CIAO2A: variants seen among roughly 807,000 people sequenced by gnomAD.
CIAO2A encodes MIP18 family protein FAM96A.
A neutral mutation model predicts 22.4 loss-of-function variants in CIAO2A; 17 were observed. That is an observed-to-expected ratio of 0.76 (90% CI 0.52 to 1.14). The LOEUF (loss-of-function observed/expected upper bound fraction) is 1.14, where lower values mean the gene tolerates loss of function less well. CIAO2A is among the 50% of genes most tolerant of loss of function. The probability of loss-of-function intolerance (pLI) is 0.00; values close to 1 mark genes in which losing one functional copy is unlikely to be tolerated. For missense variants in CIAO2A, 192 were observed against 191.4 expected (o/e 1.00, Z -0.02); for synonymous variants, 74 against 72.3 (o/e 1.02, Z -0.12).
At chr15:64,082,921 G>T (rs1487105042) in intron 2 of CIAO2A, among the ~76,000 whole-genome samples, 2 of 152,108 alleles carry the variant, frequency 1.3e-5, no homozygotes, top group African/African-American at 4.8e-5. Flanking sequence ...TATAGTATCA[G>T]CTGGGCAAGG....
At chr15:64,073,123 C>A in intron 4 of CIAO2A, 95 bp from the exon 5 acceptor site, 1 of 780,640 alleles carries the variant, frequency 1.3e-6, no homozygotes, top group Non-Finnish European at 2.1e-6. Flanking sequence ...AAAACTTTAA[C>A]TCCTTGAGAA....
rs1294610793 is a variant in CIAO2A at position 64,093,658 on chromosome 15, C to A, written c.111G>T (p.Ala37=). Residue 37 remains alanine (A), a synonymous_variant, in exon 1 of 5, where the codon GCG becomes GCT. Coordinates refer to ENST00000300030, the MANE Select transcript of CIAO2A (RefSeq NM_032231.7). The part of the protein sequence containing the change: ...ARQPRIMEEK[A]LEVYDLIRTI... Reference sequence around the variant, plus strand: ...AAAATTAATTACCATAAACTTCTAGCGCTTTCTCTTCCATGATCCGGGGCT... The same window carrying A: ...AAAATTAATTACCATAAACTTCTAGAGCTTTCTCTTCCATGATCCGGGGCT... The A allele has an allele frequency of 3.1e-6, 5 of 1,613,762 alleles. No individual in the cohort carries two copies. The African/African-American group carries it at 5.3e-5, about 17-fold the overall frequency.
At chr15:64,079,501 G>C (rs952965196) in intron 3 of CIAO2A, among the ~76,000 whole-genome samples, 2 of 152,206 alleles carry the variant, frequency 1.3e-5, no homozygotes, top group African/African-American at 4.8e-5. Flanking sequence ...ACTCCAGCCT[G>C]GGAGACAGAG....
At chr15:64,081,946 AT>A (rs1420548734) in intron 2 of CIAO2A, among the ~76,000 whole-genome samples, 1 of 152,202 alleles carries the variant, frequency 6.6e-6, no homozygotes, top group Admixed American at 6.5e-5. Flanking sequence ...CAAATTTGTA[AT>A]CCTTTATGCC....
intron 1 of CIAO2A, among the ~76,000 whole-genome samples, chr15:64,092,928 C>T (rs148147437): frequency 0.011 from 1,738 of 152,352 alleles, 34 homozygotes; most frequent in African/African-American, 0.032. Context: ...AACCAGTAGG[C>T]ACAGCCTTTG....
At chr15:64,088,030 T>G (rs2080811502) in intron 2 of CIAO2A, among the ~76,000 whole-genome samples, 1 of 152,250 alleles carries the variant, frequency 6.6e-6, no homozygotes, top group South Asian at 2.1e-4. Flanking sequence ...AGCTGCATAG[T>G]ATTCCACTGT....
chr15:64,083,285 C>T (rs1044933680), intron 2 of CIAO2A, among the ~76,000 whole-genome samples: 1 of 151,862 alleles, frequency 6.6e-6, no homozygotes, highest in Non-Finnish European at 1.5e-5. Flanking sequence ...GGTGATTTAA[C>T]ATTACTTAGC....
chr15:64,090,984 G>C, intron 1 of CIAO2A, among the ~76,000 whole-genome samples: 1 of 151,946 alleles, frequency 6.6e-6, no homozygotes, highest in South Asian at 2.1e-4. Context: ...AAGAGATGAA[G>C]GAAAGGAGAA....
At chr15:64,091,203 A>C (rs1484291697) in intron 1 of CIAO2A, among the ~76,000 whole-genome samples, 5 of 152,226 alleles carry the variant, frequency 3.3e-5, no homozygotes, top group Non-Finnish European at 7.3e-5. Flanking sequence ...GAATTTTGCC[A>C]AACATGACGG....
chr15:64,077,749 G>C (rs2080729706), intron 3 of CIAO2A, among the ~76,000 whole-genome samples: 1 of 152,156 alleles, frequency 6.6e-6, no homozygotes, highest in Admixed American at 6.6e-5. Context: ...AGACTAAAGA[G>C]ACATGGCAAC....
At chr15:64,093,143 G>T (rs2140119456) in intron 1 of CIAO2A, among the ~76,000 whole-genome samples, 1 of 152,270 alleles carries the variant, frequency 6.6e-6, no homozygotes, top group South Asian at 2.1e-4. Flanking sequence ...CTCTTCTTTC[G>T]GGGACCTCTG....
chr15:64,080,006 T>G (rs941564042), intron 3 of CIAO2A, among the ~76,000 whole-genome samples: 1 of 152,208 alleles, frequency 6.6e-6, no homozygotes. Flanking sequence ...AGGATCTGAA[T>G]AGACAGCTCT....
intron 1 of CIAO2A, among the ~76,000 whole-genome samples, chr15:64,091,018 G>A (rs1388899585): frequency 6.6e-6 from 1 of 152,142 alleles, no homozygotes; most frequent in Non-Finnish European, 1.5e-5. Flanking sequence ...TGGTGAGGTA[G>A]AAAGGAAAGA....
chr15:64,075,634 G>A, intron 3 of CIAO2A, 97 bp from the exon 4 acceptor site: 1 of 656,790 alleles, frequency 1.5e-6, no homozygotes, highest in Non-Finnish European at 2.5e-6. Context: ...ATCTAGGGAT[G>A]AGTGCCCAAA....
intron 4 of CIAO2A, chr15:64,075,223 A>T (rs1320302858): frequency 3.6e-6 from 1 of 274,208 alleles, no homozygotes; most frequent in Non-Finnish European, 6.8e-6. Flanking sequence ...CTCATAAGTC[A>T]AGGTCCCCAG....
intron 3 of CIAO2A, among the ~76,000 whole-genome samples, chr15:64,077,325 C>A (rs1399318451): frequency 3.3e-5 from 5 of 151,892 alleles, no homozygotes; most frequent in African/African-American, 1.2e-4. Context: ...CAAAACAAAA[C>A]ACCTTTCTCC....
intron 2 of CIAO2A, 65 bp downstream of exon 2, chr15:64,088,622 G>A: frequency 3.9e-6 from 5 of 1,279,174 alleles, no homozygotes; most frequent in Non-Finnish European, 5.3e-6. Context: ...TGTTATTATG[G>A]GTCAATATCA....
chr15:64,077,009 ATT>A (rs924454570), intron 3 of CIAO2A, among the ~76,000 whole-genome samples: 33 of 152,150 alleles, frequency 2.2e-4, no homozygotes, highest in Non-Finnish European at 1.5e-4. Context: ...CCTGGCCCCA[ATT>A]TTTTTTAAAA....
At chr15:64,078,639 C>CAAAAAAA (rs56266808) in intron 3 of CIAO2A, among the ~76,000 whole-genome samples, 4 of 129,148 alleles carry the variant, frequency 3.1e-5, no homozygotes, top group South Asian at 2.3e-4. Flanking sequence ...CCATCGCAAA[C>CAAAAAAA]AAAAAAAAAA....
Sources: gnomAD v4.1 joint callset for allele counts (sites outside exome capture counted in the v4.1 genomes callset) on GRCh38, gnomAD v4.1.1 for gene constraint, MANE v1.5 for transcripts, NCBI Gene and HGNC (gene_info 2026-07-23, HGNC 2026-07-21) for gene names.